The following EGF variants were observed in gnomAD, a reference collection of about 807,000 sequenced individuals.
EGF encodes epidermal growth factor.
Under a neutral mutation model 143.8 loss-of-function variants are expected in EGF, and 95 were observed. That is an observed-to-expected ratio of 0.66 (90% CI 0.56 to 0.78). The LOEUF (loss-of-function observed/expected upper bound fraction) is 0.78, where lower values mean the gene tolerates loss of function less well. Among genes scored for constraint, EGF ranks in the 30% least tolerant of loss-of-function variants. EGF has a pLI of 0.00. For missense variants in EGF, 1,320 were observed against 1,470.9 expected, an observed-to-expected ratio of 0.90 and a Z score of 1.68; for synonymous variants, 510 against 510.5, an observed-to-expected ratio of 1.00 and a Z score of 0.01.
At chr4:109,945,368 A>G in intron 5 of EGF, 93 bp downstream of exon 5, 1 of 1,318,120 alleles carries the variant, frequency 7.6e-7, no homozygotes, top group South Asian at 1.3e-5. Flanking sequence ...AGGGGAAAAA[A>G]AATTTTTTTC....
intron 10 of EGF, among the ~76,000 whole-genome samples, chr4:109,965,642 G>A (rs1416124722): frequency 6.6e-6 from 1 of 152,050 alleles, no homozygotes; most frequent in East Asian, 1.9e-4. Context: ...GCTGGTTTTT[G>A]TTTCTTGGGT....
At chr4:109,934,025 T>C (rs1231338121) in intron 1 of EGF, among the ~76,000 whole-genome samples, 1 of 152,202 alleles carries the variant, frequency 6.6e-6, no homozygotes, top group Non-Finnish European at 1.5e-5. Context: ...TTGAACTAAT[T>C]TACACTCCCA....
In EGF at chr4:109,923,291, C is replaced by T. The variant is rs566002702; in HGVS notation, c.127+9829C>T. Reference sequence around the variant, plus strand: ...AAACTGGGCTCAGGAAATAGCAATACGCCAACACTTCTTAATTTTACCTCA... The same window carrying T: ...AAACTGGGCTCAGGAAATAGCAATATGCCAACACTTCTTAATTTTACCTCA... On this transcript the variant is annotated intron_variant, in intron 1 of 23. Transcript: ENST00000265171. Among the ~76,000 whole-genome samples the T allele has an allele frequency of 4.1e-4, 62 of 151,556 alleles. 3 individuals carry two copies. Among genetic ancestry groups the T allele is most frequent in the African/African-American group, 1.1e-3 (44 of 40,940 alleles).
At chr4:109,981,034 A>G in intron 15 of EGF, 59 bp downstream of exon 15, 1 of 1,599,732 alleles carries the variant, frequency 6.3e-7, no homozygotes, top group Non-Finnish European at 8.6e-7. Context: ...ACAGCTGTAC[A>G]TCAATCTTTA....
intron 17 of EGF, among the ~76,000 whole-genome samples, 161 bp from the exon 18 acceptor site, chr4:109,988,423 T>G (rs1750459958): frequency 6.6e-6 from 1 of 152,226 alleles, no homozygotes. Context: ...CAGTAACTTG[T>G]GAACTTTATG....
intron 5 of EGF, among the ~76,000 whole-genome samples, chr4:109,952,630 A>T (rs57822810): frequency 6.6e-6 from 1 of 152,384 alleles, no homozygotes; most frequent in East Asian, 1.9e-4. Flanking sequence ...GTTTAAACAC[A>T]TAAAATTCTG....
At chr4:110,002,843 T>C (rs1375698563) in intron 21 of EGF, among the ~76,000 whole-genome samples, 1 of 152,150 alleles carries the variant, frequency 6.6e-6, no homozygotes, top group East Asian at 1.9e-4. Flanking sequence ...GCCCCCAGTG[T>C]CTGTTGTTCC....
intron 15 of EGF, 114 bp downstream of exon 15, chr4:109,981,089 GT>G (rs2126117848): frequency 6.8e-7 from 1 of 1,466,696 alleles, no homozygotes; most frequent in African/African-American, 1.4e-5. Context: ...AAGTTCTCCT[GT>G]TTTTAGGAAT....
chr4:109,970,875 G>A (rs1430511759), intron 11 of EGF, among the ~76,000 whole-genome samples: 1 of 149,856 alleles, frequency 6.7e-6, no homozygotes, highest in African/African-American at 2.5e-5. Context: ...TGTATGATAT[G>A]GTTATCAGTT....
Position 109,944,019 on chromosome 4 carries a change from C to A in EGF, c.687C>A (p.Cys229Ter), listed in dbSNP as rs369591816. The change falls in exon 4 of 24, where the codon TGC becomes TGA. Residue 229 changes from cysteine to a stop codon, truncating the protein, a stop_gained. Transcript: ENST00000265171. LOFTEE classifies it high-confidence loss of function. ...GAGAAGGAAGCAATTCTCTTATTTG[C>A]TCCTGTGATTATGATGGAGGTTCTG... ...YNREGSNSLI[C>*]SCDYDGGSVH... 4 of 1,614,044 alleles carry A rather than the reference C, an allele frequency of 2.5e-6. No homozygotes were observed. The African/African-American group carries it at 5.3e-5, about 22-fold the overall frequency.
At position 109,979,905 on chromosome 4, in the gene EGF, TG is replaced by T. The variant is rs1489059806; in HGVS notation, c.2054-66del. The T allele has an allele frequency of 1.3e-5, 20 of 1,586,128 alleles. No individual in the cohort carries two copies. In the East Asian group the frequency reaches 4.3e-4, roughly 34 times the overall value. On this transcript the variant is annotated intron_variant, in intron 13 of 23. Coordinates refer to ENST00000265171, the MANE Select transcript of EGF (RefSeq NM_001963.6). ...GGAATGTTGTGTAAATTTCAAGCCT[TG>T]TCCTTTCGTAAATAGTCATTGCAAA...
Position 110,012,890 on chromosome 4 carries a change from T to C in EGF, c.*1435T>C, listed in dbSNP as rs11569151. 4.4e-3 allele frequency among the ~76,000 whole-genome samples: 674 copies of C among 152,298 alleles called. 4 individuals carry two copies. Among genetic ancestry groups the C allele is most frequent in the African/African-American group, 0.015 (614 of 41,566 alleles). On this transcript the variant is annotated 3_prime_UTR_variant, in exon 24 of 24. Coordinates refer to ENST00000265171, the MANE Select transcript of EGF (RefSeq NM_001963.6). ...TCAGTTTATGCATTAACTAGTCCCT[T>C]TGTTTATCTTTCATTTCTCAACCCC...
At chr4:109,962,511 A>T (rs1745871268) in intron 8 of EGF, among the ~76,000 whole-genome samples, 1 of 152,178 alleles carries the variant, frequency 6.6e-6, no homozygotes, top group Non-Finnish European at 1.5e-5. Flanking sequence ...AGCAGCTAAA[A>T]ATGTGTGAGA....
In EGF at chr4:110,008,141, G is replaced by T; in HGVS notation, c.3292-11G>T. ...ACAATATCCTCTCTCCCTCCTTTTT[G>T]TTGTCTGCAGTTTGTGGTTATAAAA... On this transcript the variant is annotated splice_polypyrimidine_tract_variant and intron_variant, in intron 22 of 23. Transcript: ENST00000265171. The T allele has an allele frequency of 6.2e-7, 1 of 1,612,524 alleles. No homozygotes were observed. The highest frequency in any genetic ancestry group is 8.5e-7 in the Non-Finnish European group (1 of 1,178,680).
At chr4:109,932,377 A>ATATATATATATATATATATATATATAT (rs1553929849) in intron 1 of EGF, among the ~76,000 whole-genome samples, 128 of 123,708 alleles carry the variant, frequency 1.0e-3, no homozygotes, top group Non-Finnish European at 1.3e-3. Context: ...ATATATATAT[A>ATATATATATATATATATATATATATAT]AATTTTTTTT....
intron 17 of EGF, 86 bp from the exon 18 acceptor site, chr4:109,988,485 AATAAGAATTGAAT>A: frequency 6.4e-7 from 1 of 1,572,736 alleles, no homozygotes; most frequent in Non-Finnish European, 8.7e-7. Context: ...TAAAGGACTG[AATAAGAATTGAAT>A]ATACGATTAT....
chr4:109,999,564 TA>T, intron 20 of EGF, 114 bp from the exon 21 acceptor site: 1 of 1,359,386 alleles, frequency 7.4e-7, no homozygotes, highest in Non-Finnish European at 1.0e-6. Flanking sequence ...TATATGTTTC[TA>T]AAGAGCTGAG....
chr4:109,994,995 A>G (rs1751566918), intron 20 of EGF, 115 bp downstream of exon 20: 1 of 1,341,706 alleles, frequency 7.5e-7, no homozygotes, highest in East Asian at 2.3e-5. Flanking sequence ...GTTCTTTTGG[A>G]AAAATATAAA....
chr4:110,011,818 G>A lies in EGF; in HGVS notation c.*363G>A. 1 of 330,538 alleles carries A rather than the reference G, an allele frequency of 3.0e-6. No individual in the cohort carries two copies. The highest frequency in any genetic ancestry group is 2.8e-5 in the South Asian group (1 of 35,132). The allele number at this position is 330,538 out of a possible 1,614,324, so 20.5% of individuals were successfully genotyped here. ...GGGGTTAAAGCAGACAGTCACACTG[G>A]TTTGGTCAGTTACAAAGTAATTTCT... is the stretch of plus-strand genomic sequence containing the variant. On this transcript the variant is annotated 3_prime_UTR_variant, in exon 24 of 24. Coordinates refer to ENST00000265171, the MANE Select transcript of EGF (RefSeq NM_001963.6).
Sources: gnomAD v4.1 joint callset for allele counts (sites outside exome capture counted in the v4.1 genomes callset) on GRCh38, gnomAD v4.1.1 for gene constraint, MANE v1.5 for transcripts, NCBI Gene and HGNC (gene_info 2026-07-23, HGNC 2026-07-21) for gene names.